CSGALNACT1: variants seen among roughly 807,000 people sequenced by gnomAD.
CSGALNACT1 encodes the protein chondroitin sulfate N-acetylgalactosaminyltransferase 1, also known as beta4GalNAcT-1.
In CSGALNACT1, 52 loss-of-function variants were observed where a neutral mutation model predicts 51.0. The ratio of observed to expected loss-of-function variants is 1.02; its 90% CI spans 0.82 to 1.29. The LOEUF is 1.29. CSGALNACT1 is among the 50% of genes most tolerant of loss of function. CSGALNACT1 has a pLI of 0.00. For synonymous variants in CSGALNACT1, 341 were observed against 254.4 expected, an observed-to-expected ratio of 1.34 and a Z score of -3.24; for missense variants, 935 against 679.2, an observed-to-expected ratio of 1.38 and a Z score of -4.19.
At chr8:19,493,674 C>G (rs1275168124) in intron 4 of CSGALNACT1, among the ~76,000 whole-genome samples, 2 of 152,132 alleles carry the variant, frequency 1.3e-5, no homozygotes, top group Non-Finnish European at 2.9e-5. Flanking sequence ...ATCAGTAATT[C>G]ATTTCTTTCT....
chr8:19,485,758 G>GTTTTT (rs2072729923), intron 4 of CSGALNACT1, among the ~76,000 whole-genome samples: 3 of 23,444 alleles, frequency 1.3e-4, no homozygotes, highest in Non-Finnish European at 1.1e-4. Flanking sequence ...ACCTCAGCTT[G>GTTTTT]CTTTTTTTTT....
At chr8:19,555,559 A>C (rs1312989160) in intron 3 of CSGALNACT1, among the ~76,000 whole-genome samples, 1 of 152,114 alleles carries the variant, frequency 6.6e-6, no homozygotes, top group African/African-American at 2.4e-5. Context: ...ATTTAGAAAA[A>C]AATAAACAAA....
Position 19,558,555 on chromosome 8 carries a change from G to A in CSGALNACT1, c.-297+32605C>T, listed in dbSNP as rs540712234. On this transcript the variant is annotated intron_variant, in intron 3 of 9. Transcript: ENST00000454498. ...TTTGGAAAGCTAATTAACATAAATC[G>A]AAATTATATCCTGTATTTTATATCA... Among the ~76,000 whole-genome samples, 9 of 152,176 alleles carry A rather than the reference G, an allele frequency of 5.9e-5. No individual in the cohort carries two copies. In the South Asian group the frequency reaches 1.0e-3, roughly 18 times the overall value.
At chr8:19,617,130 G>C (rs1301979025) in intron 1 of CSGALNACT1, among the ~76,000 whole-genome samples, 4 of 152,212 alleles carry the variant, frequency 2.6e-5, no homozygotes, top group African/African-American at 9.6e-5. Context: ...CTCATAAGGA[G>C]CGCACAACCT....
At chr8:19,627,333 C>A (rs1464767528) in intron 1 of CSGALNACT1, among the ~76,000 whole-genome samples, 2 of 152,030 alleles carry the variant, frequency 1.3e-5, no homozygotes, top group African/African-American at 4.8e-5. Context: ...CAAAAACTGA[C>A]GGAGCATGGA....
chr8:19,567,849 C>G (rs2042209616), intron 3 of CSGALNACT1, among the ~76,000 whole-genome samples: 1 of 151,966 alleles, frequency 6.6e-6, no homozygotes, highest in African/African-American at 2.4e-5. Flanking sequence ...TTAATATAAG[C>G]ACAAAGAGTT....
intron 2 of CSGALNACT1, among the ~76,000 whole-genome samples, chr8:19,595,728 CTGTT>C (rs773846084): frequency 1.4e-4 from 22 of 152,110 alleles, no homozygotes; most frequent in African/African-American, 4.8e-4. Flanking sequence ...AACAATTGAA[CTGTT>C]TGTTTCCAGA....
intron 1 of CSGALNACT1, among the ~76,000 whole-genome samples, chr8:19,723,558 C>T (rs7824544): frequency 0.15 from 23,095 of 152,166 alleles, 1,931 homozygotes; most frequent in African/African-American, 0.21. Flanking sequence ...CACTAAGGAA[C>T]GGAAGTTGCT....
chr8:19,586,420 AAAAG>A (rs1016206509), intron 3 of CSGALNACT1, among the ~76,000 whole-genome samples: 10 of 151,398 alleles, frequency 6.6e-5, no homozygotes, highest in East Asian at 3.9e-4. Context: ...AAAAAAAAAA[AAAAG>A]AAGAAGAAGA....
intron 3 of CSGALNACT1, among the ~76,000 whole-genome samples, chr8:19,545,067 C>T (rs547577891): frequency 3.1e-4 from 47 of 152,138 alleles, no homozygotes; most frequent in Non-Finnish European, 6.0e-4. Context: ...ACAGCGACTC[C>T]TGGGAGTTGT....
At chr8:19,597,445 C>T (rs1176189935) in intron 2 of CSGALNACT1, among the ~76,000 whole-genome samples, 2 of 151,684 alleles carry the variant, frequency 1.3e-5, no homozygotes, top group Non-Finnish European at 2.9e-5. Context: ...CAGGCATGAG[C>T]CACCAAGCCT....
intron 4 of CSGALNACT1, among the ~76,000 whole-genome samples, chr8:19,486,279 C>G (rs2072914718): frequency 6.6e-6 from 1 of 152,156 alleles, no homozygotes; most frequent in African/African-American, 2.4e-5. Context: ...GGTCCAGCCA[C>G]TCTCACCTGC....
intron 1 of CSGALNACT1, among the ~76,000 whole-genome samples, chr8:19,660,232 A>T (rs573022832): frequency 3.4e-4 from 52 of 152,352 alleles, no homozygotes; most frequent in African/African-American, 1.2e-3. Context: ...AAAATTCAAT[A>T]AATGTCTGCC....
rs369234439 is a variant in CSGALNACT1 at position 19,461,392 on chromosome 8, G to A, written c.635-2750C>T. Among the ~76,000 whole-genome samples the A allele has an allele frequency of 2.6e-5, 4 of 152,210 alleles. No individual in the cohort carries two copies. The East Asian group carries it at 5.8e-4, about 22-fold the overall frequency. On this transcript the variant is annotated intron_variant, in intron 4 of 9. Transcript: ENST00000454498. ...AAATGAGGTGGGGCTGAGTCTGAAA[G>A]CAGCCACATTCACCATGGAGGGTGT...
exon 1 of CSGALNACT1, chr8:19,682,529 G>A (rs184539647): frequency 1.8e-4 from 74 of 416,612 alleles, no homozygotes; most frequent in Non-Finnish European, 1.4e-4. Flanking sequence ...GGGACGTATG[G>A]TCTTTCCCGG....
At chr8:19,477,611 C>T (rs562748198) in intron 4 of CSGALNACT1, among the ~76,000 whole-genome samples, 1 of 152,284 alleles carries the variant, frequency 6.6e-6, no homozygotes, top group Non-Finnish European at 1.5e-5. Context: ...TATCTTAAAA[C>T]TAAATGGTCT....
intron 1 of CSGALNACT1, among the ~76,000 whole-genome samples, chr8:19,719,783 C>A (rs2063014528): frequency 9.1e-6 from 1 of 109,856 alleles, no homozygotes; most frequent in Admixed American, 9.1e-5. Context: ...TTATGAGTAG[C>A]ACCCCAATTT....
chr8:19,411,189 G>C (rs562370546), intron 8 of CSGALNACT1, among the ~76,000 whole-genome samples: 1 of 152,110 alleles, frequency 6.6e-6, no homozygotes, highest in African/African-American at 2.4e-5. Flanking sequence ...CAGAGTGGTC[G>C]TCCTGACCCT....
intron 1 of CSGALNACT1, among the ~76,000 whole-genome samples, chr8:19,734,760 A>G (rs1486402625): frequency 2.0e-5 from 3 of 152,244 alleles, no homozygotes; most frequent in African/African-American, 7.2e-5. Flanking sequence ...GGATAGCTGA[A>G]GAAAACCTGT....
Sources: gnomAD v4.1 joint callset for allele counts (sites outside exome capture counted in the v4.1 genomes callset) on GRCh38, gnomAD v4.1.1 for gene constraint, MANE v1.5 for transcripts, NCBI Gene and HGNC (gene_info 2026-07-23, HGNC 2026-07-21) for gene names.